The following NWD2 variants were observed in gnomAD, a reference collection of about 807,000 sequenced individuals.
The protein encoded by NWD2 is NACHT and WD repeat domain-containing protein 2.
A neutral mutation model predicts 132.7 loss-of-function variants in NWD2; 37 were observed. The observed-to-expected ratio is 0.28, with a 90% CI of 0.21 to 0.37. The LOEUF (loss-of-function observed/expected upper bound fraction) is 0.37. Among genes scored for constraint, NWD2 ranks in the 10% least tolerant of loss-of-function variants. The pLI is 1.00. For missense variants in NWD2, 1,592 were observed against 2,122.4 expected (o/e 0.75, Z 4.91); for synonymous variants, 705 against 803.0 (o/e 0.88, Z 2.06).
At chr4:37,431,906 T>C (rs1308653954) in intron 4 of NWD2, among the ~76,000 whole-genome samples, 3 of 152,136 alleles carry the variant, frequency 2.0e-5, no homozygotes, top group Non-Finnish European at 4.4e-5. Context: ...GATTTTTACT[T>C]ATTAATATTG....
chr4:37,317,192 G>T (rs1718974971), intron 1 of NWD2, among the ~76,000 whole-genome samples: 1 of 152,178 alleles, frequency 6.6e-6, no homozygotes, highest in African/African-American at 2.4e-5. Context: ...AGCTATTACA[G>T]CTTCTCCACC....
At chr4:37,361,014 G>C (rs1719971789) in intron 3 of NWD2, among the ~76,000 whole-genome samples, 2 of 151,822 alleles carry the variant, frequency 1.3e-5, no homozygotes, top group Non-Finnish European at 2.9e-5. Context: ...AGATCCTCAG[G>C]GACTATACAA....
At chr4:37,362,251 C>G (rs6531529) in intron 3 of NWD2, among the ~76,000 whole-genome samples, 73,291 of 152,004 alleles carry the variant, frequency 0.48, 18,114 homozygotes, top group East Asian at 0.59. Context: ...CCAAAGCAAT[C>G]TATATATTTA....
chr4:37,386,148 T>C (rs1720560883), intron 3 of NWD2, among the ~76,000 whole-genome samples: 1 of 152,184 alleles, frequency 6.6e-6, no homozygotes, highest in Non-Finnish European at 1.5e-5. Context: ...TTCATCATAC[T>C]GAGTTTTGTT....
chr4:37,311,282 C>G (rs1718836555), intron 1 of NWD2, among the ~76,000 whole-genome samples: 1 of 152,152 alleles, frequency 6.6e-6, no homozygotes. Flanking sequence ...TCTCTACATC[C>G]TCTCCAGCAC....
chr4:37,344,639 T>C (rs1719595307), intron 2 of NWD2, among the ~76,000 whole-genome samples: 1 of 152,188 alleles, frequency 6.6e-6, no homozygotes, highest in Admixed American at 6.6e-5. Context: ...GATCATTTGG[T>C]TCACATGTAG....
At chr4:37,287,435 A>G (rs923210582) in intron 1 of NWD2, among the ~76,000 whole-genome samples, 1 of 152,234 alleles carries the variant, frequency 6.6e-6, no homozygotes, top group African/African-American at 2.4e-5. Context: ...CTATAGCTCC[A>G]GGCTGCACTT....
intron 3 of NWD2, among the ~76,000 whole-genome samples, chr4:37,400,705 G>A (rs1319747766): frequency 6.6e-6 from 1 of 152,208 alleles, no homozygotes; most frequent in Non-Finnish European, 1.5e-5. Context: ...AAAATGGAAA[G>A]TGTGTGGGTT....
chr4:37,389,449 A>G (rs1487588637), intron 3 of NWD2, among the ~76,000 whole-genome samples: 1 of 152,180 alleles, frequency 6.6e-6, no homozygotes, highest in East Asian at 1.9e-4. Context: ...AGAGCCCAAC[A>G]CCTTTGGACT....
At chr4:37,359,367 TATCTCACAGCTTATA>T (rs1719933053) in intron 3 of NWD2, among the ~76,000 whole-genome samples, 1 of 152,138 alleles carries the variant, frequency 6.6e-6, no homozygotes, top group Non-Finnish European at 1.5e-5. Flanking sequence ...ACAAGGCTTG[TATCTCACAGCTTATA>T]GAAAAAGAAA....
rs1275663666 is a variant in NWD2, at chr4:37,443,706, AC to A, written c.1719del (p.Asp573GlufsTer28). On this transcript the variant is annotated frameshift_variant, in exon 7 of 7. Coordinates refer to ENST00000309447, the MANE Select transcript of NWD2 (RefSeq NM_001144990.2). LOFTEE classifies it high-confidence loss of function. The surrounding 1 kb of genome is among the most constrained non-coding windows in gnomAD (Gnocchi z 4.1). ...AACTACATCGAGCTGATTCCCCGAG[AC>A]AGGAAGATGTGCAGCCAGGTCCTCA... ...EDNYIELIPRDRKMCSQVLKH... is the reference protein window; with the variant it reads ...EDNYIELIPRXRKMCSQVLKH... The A allele has an allele frequency of 6.4e-7, 1 of 1,552,092 alleles. No homozygotes were observed. Among genetic ancestry groups the A allele is most frequent in the Non-Finnish European group, 8.7e-7 (1 of 1,147,102 alleles).
chr4:37,445,377 G>T lies in NWD2; in HGVS notation c.3389G>T (p.Gly1130Val), dbSNP rs1712606308. Residue 1130 changes from glycine to valine, a missense_variant, in exon 7 of 7, where the codon GGA (glycine) becomes GTA (valine). Gly to Val is a moderately radical substitution (Grantham distance 109). This residue lies in a region of NWD2 where 1,071 missense variants were observed against 1,398.0 expected (regional missense o/e 0.77). Coordinates refer to ENST00000309447, the MANE Select transcript of NWD2 (RefSeq NM_001144990.2). The surrounding 1 kb of genome is among the most constrained non-coding windows in gnomAD (Gnocchi z 4.7). Reference protein sequence around the residue: ...NTTTIFHLGSGEKLCTVTSEF... With the variant: ...NTTTIFHLGSVEKLCTVTSEF... ...ACCACCATATTTCATTTAGGGAGTG[G>T]AGAAAAGTTATGTACAGTGACATCA... is the stretch of plus-strand genomic sequence containing the variant. The T allele has an allele frequency of 1.3e-6, 2 of 1,552,176 alleles. No individual in the cohort carries two copies. The highest frequency in any genetic ancestry group is 1.7e-6 in the Non-Finnish European group (2 of 1,147,104).
intron 3 of NWD2, among the ~76,000 whole-genome samples, chr4:37,423,488 G>T (rs747272202): frequency 7.2e-5 from 11 of 152,102 alleles, no homozygotes; most frequent in Admixed American, 6.6e-5. Context: ...GTATAAATTC[G>T]AGTCCAAGTG....
intron 1 of NWD2, among the ~76,000 whole-genome samples, chr4:37,261,827 G>A (rs1299670024): frequency 6.6e-6 from 1 of 152,136 alleles, no homozygotes; most frequent in African/African-American, 2.4e-5. Flanking sequence ...CCCAGTTAAC[G>A]GGTGGTCATA....
intron 2 of NWD2, among the ~76,000 whole-genome samples, chr4:37,355,505 C>T (rs112728425): frequency 7.2e-5 from 11 of 152,080 alleles, no homozygotes; most frequent in Admixed American, 6.6e-5. Context: ...CACCAAATGC[C>T]GTGCAAGCAG....
chr4:37,387,670 CTTTTTTTTTTTTTTT>C (rs34665816), intron 3 of NWD2, among the ~76,000 whole-genome samples: 1 of 88,706 alleles, frequency 1.1e-5, no homozygotes, highest in Non-Finnish European at 2.1e-5. Flanking sequence ...TTGAAATATT[CTTTTTTTTTTTTTTT>C]TTTTTTTGAG....
intron 3 of NWD2, among the ~76,000 whole-genome samples, chr4:37,420,908 G>C (rs1387316715): frequency 1.3e-5 from 2 of 152,110 alleles, no homozygotes; most frequent in African/African-American, 4.8e-5. Flanking sequence ...ATAACTGCCA[G>C]GACTACTATT....
At chr4:37,272,080 T>A (rs1041346771) in intron 1 of NWD2, among the ~76,000 whole-genome samples, 1 of 151,812 alleles carries the variant, frequency 6.6e-6, no homozygotes, top group African/African-American at 2.4e-5. Context: ...TATTCCTTGA[T>A]TCTGTCACTG....
chr4:37,394,799 GTTTTTTTTT>G (rs1175840735), intron 3 of NWD2, among the ~76,000 whole-genome samples: 3 of 52,596 alleles, frequency 5.7e-5, no homozygotes, highest in South Asian at 1.0e-3. Context: ...AACCTTTATG[GTTTTTTTTT>G]TTTTTTTTTT....
Sources: allele counts gnomAD v4.1 joint callset (sites outside exome capture counted in the v4.1 genomes callset), GRCh38; gene constraint gnomAD v4.1.1; regional missense constraint gnomAD v4.1.1; non-coding constraint Gnocchi (gnomAD v3.1); transcripts MANE v1.5; gene names NCBI Gene and HGNC (gene_info 2026-07-23, HGNC 2026-07-21).